KIF4A: variants seen among roughly 807,000 people sequenced by gnomAD.
The protein encoded by KIF4A is chromosome-associated kinesin KIF4A.
A neutral mutation model predicts 105.9 loss-of-function variants in KIF4A; 7 were observed. That is an observed-to-expected ratio of 0.07 (90% CI 0.04 to 0.12). KIF4A has a LOEUF of 0.12. Ranked by LOEUF, KIF4A falls within the 10% of genes least tolerant of loss-of-function variation. KIF4A has a pLI of 1.00. For missense variants in KIF4A, 558 were observed against 929.2 expected (o/e 0.60, Z 5.19); for synonymous variants, 281 against 331.3 (o/e 0.85, Z 1.65).
At chrX:70,342,068 G>GC (rs2039007077) in intron 11 of KIF4A, 137 bp downstream of exon 11, 4 of 848,888 alleles carry the variant, frequency 4.7e-6, no homozygotes, top group South Asian at 6.5e-5. Context: ...CCTCCAGGGA[G>GC]CCCCTCTGGG....
Position 70,333,705 on chromosome X carries a change from T to C in KIF4A, c.1133+16T>C. On this transcript the variant is annotated intron_variant, in intron 10 of 30. Coordinates refer to ENST00000374403, the MANE Select transcript of KIF4A (RefSeq NM_012310.5). ...GATCTATAACGTAAGAGTCATAGAT[T>C]AATTTGAATTGTGTATTCTAATAGA... The C allele has an allele frequency of 9.3e-7, 1 of 1,080,922 alleles. No individual in the cohort carries two copies. Among genetic ancestry groups the C allele is most frequent in the Non-Finnish European group, 1.3e-6 (1 of 777,502 alleles). The allele number at this position is 1,080,922 out of a possible 1,213,427, so 89.1% of individuals were successfully genotyped here. A position where few individuals can be genotyped will look rare whatever the true frequency, so the allele number is the denominator to read the frequency against.
In KIF4A at chrX:70,404,464, C is replaced by G. The variant is rs567503054; in HGVS notation, c.2791-251C>G. Among the ~76,000 whole-genome samples the G allele has an allele frequency of 3.6e-5, 4 of 110,346 alleles. 1 individual carries two copies. The South Asian group carries it at 1.6e-3, about 44-fold the overall frequency. Reference sequence around the variant, plus strand: ...CTGAAGTGGGAGAATCGCTTGAACCCGTGAGGCAGAGGTTGCTGTGAGCCA... The same window carrying G: ...CTGAAGTGGGAGAATCGCTTGAACCGGTGAGGCAGAGGTTGCTGTGAGCCA... On this transcript the variant is annotated intron_variant, in intron 24 of 30. Coordinates refer to ENST00000374403, the MANE Select transcript of KIF4A (RefSeq NM_012310.5).
intron 15 of KIF4A, among the ~76,000 whole-genome samples, chrX:70,370,221 A>G (rs1456607253): frequency 9.0e-6 from 1 of 110,695 alleles, no homozygotes; most frequent in African/African-American, 3.3e-5. Flanking sequence ...TTATTAAGTG[A>G]CATATGACTG....
At chrX:70,412,136 C>T (rs894768719) in intron 28 of KIF4A, among the ~76,000 whole-genome samples, 8 of 111,629 alleles carry the variant, frequency 7.2e-5, no homozygotes, top group African/African-American at 2.3e-4. Flanking sequence ...CTGGCATTCA[C>T]GCAACTACAT....
chrX:70,338,074 T>C (rs1221358140), intron 10 of KIF4A, among the ~76,000 whole-genome samples: 1 of 112,436 alleles, frequency 8.9e-6, no homozygotes, highest in Non-Finnish European at 1.9e-5. Context: ...TATGATTTTT[T>C]TGTCATATAA....
At chrX:70,389,694 A>G (rs2086231045) in intron 20 of KIF4A, among the ~76,000 whole-genome samples, 1 of 112,893 alleles carries the variant, frequency 8.9e-6, no homozygotes, top group Non-Finnish European at 1.9e-5. Context: ...ACCTTTGTCA[A>G]AATTAAATAT....
chrX:70,408,191 C>T (rs1345365011), intron 28 of KIF4A, among the ~76,000 whole-genome samples: 1 of 111,508 alleles, frequency 9.0e-6, no homozygotes, highest in East Asian at 2.8e-4. Context: ...GGACTTGAAA[C>T]CAAATATTCT....
chrX:70,299,593 A>T (rs1170526684), intron 5 of KIF4A, among the ~76,000 whole-genome samples: 1 of 111,855 alleles, frequency 8.9e-6, no homozygotes, highest in Non-Finnish European at 1.9e-5. Context: ...GAAGTGCTCG[A>T]TAGCTACATA....
At chrX:70,328,118 T>C (rs1018860970) in intron 7 of KIF4A, among the ~76,000 whole-genome samples, 1 of 112,009 alleles carries the variant, frequency 8.9e-6, no homozygotes, top group Non-Finnish European at 1.9e-5. Flanking sequence ...AAGATGGCTA[T>C]ATAAAAGGTA....
intron 7 of KIF4A, among the ~76,000 whole-genome samples, chrX:70,309,785 T>G (rs1265605549): frequency 8.9e-6 from 1 of 112,814 alleles, no homozygotes; most frequent in African/African-American, 3.2e-5. Context: ...GACTCATGCC[T>G]GTAATCCCAA....
intron 17 of KIF4A, 46 bp downstream of exon 17, chrX:70,375,394 A>G (rs755531723): frequency 2.6e-6 from 3 of 1,143,060 alleles, no homozygotes; most frequent in Non-Finnish European, 2.4e-6. Context: ...GAATTTACAA[A>G]CATAGGTATT....
At chrX:70,337,086 T>G (rs1186720037) in intron 10 of KIF4A, among the ~76,000 whole-genome samples, 3 of 112,541 alleles carry the variant, frequency 2.7e-5, no homozygotes, top group Non-Finnish European at 5.6e-5. Flanking sequence ...TTTCCTTTGA[T>G]TTTAAGATTG....
chrX:70,298,191 G>T (rs995253341), intron 4 of KIF4A, among the ~76,000 whole-genome samples: 1 of 110,147 alleles, frequency 9.1e-6, no homozygotes, highest in African/African-American at 3.3e-5. Flanking sequence ...TGGAAGGATT[G>T]CTTGAGCCCC....
At chrX:70,390,509 G>A (rs2086233917) in intron 20 of KIF4A, among the ~76,000 whole-genome samples, 3 of 111,152 alleles carry the variant, frequency 2.7e-5, no homozygotes, top group South Asian at 3.8e-4. Flanking sequence ...TTGATGTTGG[G>A]TTTTTTCAGG....
intron 7 of KIF4A, among the ~76,000 whole-genome samples, chrX:70,305,451 T>C (rs2085823118): frequency 8.9e-6 from 1 of 112,269 alleles, no homozygotes. Context: ...TTATACAATA[T>C]GTGGTCTTTT....
intron 15 of KIF4A, among the ~76,000 whole-genome samples, chrX:70,365,813 C>G (rs773577115): frequency 1.7e-3 from 187 of 111,441 alleles, no homozygotes; most frequent in African/African-American, 5.5e-3. Flanking sequence ...GTTTCAGAAG[C>G]AGCGGTACCA....
intron 28 of KIF4A, among the ~76,000 whole-genome samples, chrX:70,413,396 G>A (rs1229072970): frequency 8.9e-6 from 1 of 112,006 alleles, no homozygotes; most frequent in East Asian, 2.8e-4. Context: ...CACTTTGGGA[G>A]GCCGAGGTGG....
chrX:70,332,761 A>T (rs1252313976), intron 9 of KIF4A, among the ~76,000 whole-genome samples: 2 of 111,230 alleles, frequency 1.8e-5, no homozygotes, highest in Non-Finnish European at 3.8e-5. Context: ...AAGCACATGC[A>T]AGGAGACCAG....
intron 20 of KIF4A, among the ~76,000 whole-genome samples, chrX:70,391,558 T>G (rs1030841904): frequency 1.8e-5 from 2 of 112,152 alleles, no homozygotes; most frequent in Non-Finnish European, 3.8e-5. Context: ...GTTGATTTGG[T>G]GAATTATTTT....
Sources: allele counts gnomAD v4.1 joint callset (sites outside exome capture counted in the v4.1 genomes callset), GRCh38; gene constraint gnomAD v4.1.1; transcripts MANE v1.5; gene names NCBI Gene and HGNC (gene_info 2026-07-23, HGNC 2026-07-21).